KDM4B: variants seen among roughly 807,000 people sequenced by gnomAD.
KDM4B encodes the protein lysine demethylase 4B, also known as lysine-specific demethylase 4B.
In KDM4B, 32 loss-of-function variants were observed where a neutral mutation model predicts 125.2. That is an observed-to-expected ratio of 0.26 (90% CI 0.19 to 0.34). The LOEUF (loss-of-function observed/expected upper bound fraction) is 0.34, where lower values mean the gene tolerates loss of function less well. Ranked by LOEUF, KDM4B falls within the 10% of genes least tolerant of loss-of-function variation. KDM4B has a pLI of 1.00. For missense variants in KDM4B, 1,190 were observed against 1,577.7 expected (o/e 0.75, Z 4.16); for synonymous variants, 721 against 677.9 (o/e 1.06, Z -0.99).
intron 21 of KDM4B, among the ~76,000 whole-genome samples, chr19:5,147,166 G>T (rs2039866809): frequency 6.6e-6 from 1 of 152,108 alleles, no homozygotes; most frequent in African/African-American, 2.4e-5. Context: ...GGCTGAGCAT[G>T]TGCCAGTCTC....
At chr19:5,138,249 A>C in intron 18 of KDM4B, 179 bp downstream of exon 18, 1 of 590,718 alleles carries the variant, frequency 1.7e-6, no homozygotes, top group Non-Finnish European at 3.0e-6. Flanking sequence ...TATTTTTTGA[A>C]TCCTTCCCCG....
intron 6 of KDM4B, among the ~76,000 whole-genome samples, chr19:5,061,280 G>C (rs1338837709): frequency 6.6e-6 from 1 of 152,202 alleles, no homozygotes; most frequent in African/African-American, 2.4e-5. Context: ...AGGCTCCCAG[G>C]ACTCTGCTGG....
intron 1 of KDM4B, among the ~76,000 whole-genome samples, chr19:4,992,603 A>C (rs533949907): frequency 6.6e-6 from 1 of 152,230 alleles, no homozygotes; most frequent in Admixed American, 6.5e-5. Flanking sequence ...ATGTGCTACT[A>C]TCCCTGGCTA....
intron 2 of KDM4B, among the ~76,000 whole-genome samples, chr19:5,027,291 C>G (rs901871178): frequency 2.0e-5 from 3 of 152,212 alleles, no homozygotes; most frequent in Non-Finnish European, 4.4e-5. Context: ...AAGGATGTGT[C>G]TCTCTGTGAC....
intron 1 of KDM4B, among the ~76,000 whole-genome samples, chr19:4,983,581 G>A (rs765891904): frequency 7.9e-5 from 12 of 152,200 alleles, no homozygotes; most frequent in Admixed American, 5.9e-4. Flanking sequence ...GCCCAGCCTG[G>A]GCAGCGCCTC....
In KDM4B at chr19:4,973,432, G is replaced by A. The variant is rs1466268886; in HGVS notation, c.-109+4202G>A. Among the ~76,000 whole-genome samples, 3 of 152,080 alleles carry A rather than the reference G, an allele frequency of 2.0e-5. 1 individual carries two copies. Among genetic ancestry groups the A allele is most frequent in the Non-Finnish European group, 1.5e-5 (1 of 67,970 alleles). ...TCAAACTCCTGACCTCAAGTGATCC[G>A]CCTGCCTCGGCCTCCCAAAGTGCTG... On this transcript the variant is annotated intron_variant, in intron 1 of 22. Transcript: ENST00000159111.
chr19:5,035,880 T>TGTGTGTGTGCGC lies in KDM4B; in HGVS notation c.141+2850_141+2851insTGTGTGTGCGCG, dbSNP rs58219404. On this transcript the variant is annotated intron_variant, in intron 3 of 22. Transcript: ENST00000159111. This position sits in a 1 kb window ranked among gnomAD's most constrained non-coding sequence, Gnocchi z 5.3. ...ACGTGTCTCTGTGTGTGTGTGTGTG[T>TGTGTGTGTGCGC]GCGCGCGCGCGCGCGCCTGCGCGCA... is the stretch of plus-strand genomic sequence containing the variant. Among the ~76,000 whole-genome samples the TGTGTGTGTGCGC allele has an allele frequency of 0.16, 22,328 of 135,638 alleles. 2,123 individuals carry two copies. The highest frequency in any genetic ancestry group is 0.28 in the Middle Eastern group (73 of 262). 89.0% of individuals were successfully genotyped at this position (135,638 alleles called of 152,430 possible).
chr19:5,134,411 G>A (rs1161179492), intron 14 of KDM4B, among the ~76,000 whole-genome samples: 35 of 152,180 alleles, frequency 2.3e-4, no homozygotes, highest in Non-Finnish European at 1.5e-5. Flanking sequence ...ACACCACCTG[G>A]GTGGCCGGGC....
chr19:5,066,531 C>T (rs1017561429), intron 6 of KDM4B, among the ~76,000 whole-genome samples: 39 of 152,210 alleles, frequency 2.6e-4, no homozygotes, highest in African/African-American at 8.7e-4. Flanking sequence ...GTCCCCAACT[C>T]CAGAGGGGCC....
At chr19:5,029,188 G>A (rs765373760) in intron 2 of KDM4B, among the ~76,000 whole-genome samples, 6 of 152,366 alleles carry the variant, frequency 3.9e-5, no homozygotes, top group Admixed American at 1.3e-4. Context: ...TGGGATTACA[G>A]GCATGAGCCA....
Position 5,035,887 on chromosome 19 carries a change from G to GCGCA in KDM4B, c.141+2859_141+2860insACGC, listed in dbSNP as rs1432407308. On this transcript the variant is annotated intron_variant, in intron 3 of 22. Transcript: ENST00000159111. The surrounding 1 kb of genome is among the most constrained non-coding windows in gnomAD (Gnocchi z 5.3). ...TCTGTGTGTGTGTGTGTGTGCGCGCGCGCGCGCGCCTGCGCGCACAGGAGA... is the reference window on the plus strand; with the variant it reads ...TCTGTGTGTGTGTGTGTGTGCGCGCGCGCACGCGCGCGCCTGCGCGCACAGGAGA... Among the ~76,000 whole-genome samples the GCGCA allele has an allele frequency of 1.7e-4, 25 of 143,618 alleles. No homozygotes were observed. The highest frequency in any genetic ancestry group is 4.8e-4 in the Admixed American group (7 of 14,714). The allele number at this position is 143,618 out of a possible 152,430, so 94.2% of individuals were successfully genotyped here. A position where few individuals can be genotyped will look rare whatever the true frequency, so the allele number is the denominator to read the frequency against.
intron 2 of KDM4B, among the ~76,000 whole-genome samples, chr19:5,030,535 G>T (rs974346747): frequency 9.2e-5 from 14 of 152,356 alleles, no homozygotes; most frequent in Admixed American, 3.9e-4. Context: ...CTTGCAGTGG[G>T]TTACAGGGAG....
At chr19:5,133,255 G>C (rs989834762) in intron 13 of KDM4B, among the ~76,000 whole-genome samples, 2 of 152,208 alleles carry the variant, frequency 1.3e-5, no homozygotes, top group Non-Finnish European at 2.9e-5. Context: ...CGGCTTCTCA[G>C]CAGCAGACCT....
At chr19:5,143,777 G>C (rs899507095) in intron 18 of KDM4B, among the ~76,000 whole-genome samples, 190 bp from the exon 19 acceptor site, 1 of 152,202 alleles carries the variant, frequency 6.6e-6, no homozygotes, top group East Asian at 1.9e-4. Flanking sequence ...GGCTGGGTCA[G>C]TGGGTCTGGA....
rs1176752105 is a variant in KDM4B, at chr19:5,131,557, CG to C, written c.1785+17del. Reference sequence around the variant, plus strand: ...CCGGAGAGGGGCAGGTGGGGTGGAGCGGGGGAGGCAGGGAGGAGGGGGGCAG... The same window carrying C: ...CCGGAGAGGGGCAGGTGGGGTGGAGCGGGGAGGCAGGGAGGAGGGGGGCAG... On this transcript the variant is annotated intron_variant, in intron 12 of 22. Coordinates refer to ENST00000159111, the MANE Select transcript of KDM4B (RefSeq NM_015015.3). 7.1e-6 allele frequency: 2 copies of C among 280,396 alleles called. No individual in the cohort carries two copies. Among genetic ancestry groups the C allele is most frequent in the Non-Finnish European group, 1.0e-5 (2 of 196,670 alleles). 17.4% of individuals were successfully genotyped at this position (280,396 alleles called of 1,614,324 possible). A position where few individuals can be genotyped will look rare whatever the true frequency, so the allele number is the denominator to read the frequency against.
Position 5,142,871 on chromosome 19 carries a change from C to T in KDM4B, c.2551-1096C>T, listed in dbSNP as rs2039770263. 6.6e-6 allele frequency among the ~76,000 whole-genome samples: 1 copy of T among 152,034 alleles called. No homozygotes were observed. Among genetic ancestry groups the T allele is most frequent in the Non-Finnish European group, 1.5e-5 (1 of 67,966 alleles). On this transcript the variant is annotated intron_variant, in intron 18 of 22. Transcript: ENST00000159111. The surrounding 1 kb of genome is among the most constrained non-coding windows in gnomAD (Gnocchi z 5.4). The stretch of plus-strand genomic sequence containing the variant: ...GTGGTTTATAGAGTGGTGACGGTGC[C>T]GCTTATTAAATGCTTAGCTGGGCCT...
In KDM4B at chr19:5,082,876, TCTC is replaced by T. The variant is rs2038346511; in HGVS notation, c.918+375_918+377del. ...CCCCCTGCTGGCTGGCTCCTGGGCATCTCCTGGCCATCATGGTCCTGGGGTTGG... is the reference window on the plus strand; with the variant it reads ...CCCCCTGCTGGCTGGCTCCTGGGCATCTGGCCATCATGGTCCTGGGGTTGG... On this transcript the variant is annotated intron_variant, in intron 9 of 22. Transcript: ENST00000159111. The surrounding 1 kb of genome is among the most constrained non-coding windows in gnomAD (Gnocchi z 5.4). 6.6e-6 allele frequency among the ~76,000 whole-genome samples: 1 copy of T among 152,124 alleles called. No homozygotes were observed. The highest frequency in any genetic ancestry group is 2.1e-4 in the South Asian group (1 of 4,830).
In KDM4B at chr19:4,971,013, G is replaced by C. The variant is rs1271057997; in HGVS notation, c.-109+1783G>C. Among the ~76,000 whole-genome samples the C allele has an allele frequency of 1.3e-5, 2 of 152,126 alleles. No homozygotes were observed. Among genetic ancestry groups the C allele is most frequent in the African/African-American group, 2.4e-5 (1 of 41,430 alleles). Reference sequence around the variant, plus strand: ...GTAACGGAGATTCTGCCGCACAGACGGGTGTCTGTGTACAGGCTGTTTTGG... The same window carrying C: ...GTAACGGAGATTCTGCCGCACAGACCGGTGTCTGTGTACAGGCTGTTTTGG... On this transcript the variant is annotated intron_variant, in intron 1 of 22. Coordinates refer to ENST00000159111, the MANE Select transcript of KDM4B (RefSeq NM_015015.3). The surrounding 1 kb of genome is among the most constrained non-coding windows in gnomAD (Gnocchi z 4.1).
intron 7 of KDM4B, among the ~76,000 whole-genome samples, chr19:5,071,321 T>G (rs900473125): frequency 1.2e-4 from 18 of 152,240 alleles, no homozygotes; most frequent in African/African-American, 4.1e-4. Context: ...TCCAGTTTTC[T>G]TAGCGCAAAC....
Sources: gnomAD v4.1 joint callset for allele counts (sites outside exome capture counted in the v4.1 genomes callset) on GRCh38, gnomAD v4.1.1 for gene constraint, Gnocchi (gnomAD v3.1) non-coding constraint, MANE v1.5 for transcripts, NCBI Gene and HGNC (gene_info 2026-07-23, HGNC 2026-07-21) for gene names.